Variants in MAP3K4 observed in about 807,000 individuals in gnomAD.
The protein encoded by MAP3K4 is MAP three kinase 1.
A neutral mutation model predicts 185.6 loss-of-function variants in MAP3K4; 67 were observed. The observed-to-expected ratio is 0.36, with a 90% CI of 0.30 to 0.44. The LOEUF is 0.44. MAP3K4 is among the 20% of genes least tolerant of loss of function. The pLI is 1.00. For synonymous variants in MAP3K4, 702 were observed against 710.4 expected, an observed-to-expected ratio of 0.99 and a Z score of 0.19; for missense variants, 1,551 against 1,995.1, an observed-to-expected ratio of 0.78 and a Z score of 4.24.
rs954512289 is a variant in MAP3K4 at position 161,061,323 on chromosome 6, C to T, written c.1708-9285C>T. On this transcript the variant is annotated intron_variant, in intron 3 of 26. Transcript: ENST00000392142. The surrounding 1 kb of genome is among the most constrained non-coding windows in gnomAD (Gnocchi z 4.2). ...TTTTGACCATCCTTAGGTTATAACC[C>T]TCTGTGGATGTAACATCAGATAACT... 3.3e-5 allele frequency among the ~76,000 whole-genome samples: 5 copies of T among 152,206 alleles called. No individual in the cohort carries two copies. The highest frequency in any genetic ancestry group is 9.7e-5 in the African/African-American group (4 of 41,438).
Position 161,100,538 on chromosome 6 carries a change from G to A in MAP3K4, c.3675-1354G>A, listed in dbSNP as rs1019210556. The stretch of plus-strand genomic sequence containing the variant: ...CTGCTGGCTCTCAAGAGCTGATGGC[G>A]AATGTTTGAGAAATTTTGCAAGTTG... On this transcript the variant is annotated intron_variant, in intron 17 of 26. Coordinates refer to ENST00000392142, the MANE Select transcript of MAP3K4 (RefSeq NM_005922.4). The surrounding 1 kb of genome is among the most constrained non-coding windows in gnomAD (Gnocchi z 5.8). Among the ~76,000 whole-genome samples, 7 of 152,146 alleles carry A rather than the reference G, an allele frequency of 4.6e-5. No individual in the cohort carries two copies. The highest frequency in any genetic ancestry group is 2.6e-4 in the Admixed American group (4 of 15,270).
At chr6:161,039,996 A>G (rs568602172) in intron 2 of MAP3K4, among the ~76,000 whole-genome samples, 1 of 152,312 alleles carries the variant, frequency 6.6e-6, no homozygotes, top group Admixed American at 6.5e-5. Context: ...TTTGTAGATT[A>G]GATACCTAGT....
chr6:161,034,301 A>G lies in MAP3K4; in HGVS notation c.195A>G (p.Glu65=). Residue 65 remains glutamate, a synonymous_variant, in exon 2 of 27, where the codon GAA becomes GAG. Transcript: ENST00000392142. This position sits in a 1 kb window ranked among gnomAD's most constrained non-coding sequence, Gnocchi z 4.4. ...GAGATTCAGCTTGCAAGAGTCCTGA[A>G]TCTGATCTAGAAGACTTCTCCGATG... is the stretch of plus-strand genomic sequence containing the variant. The part of the protein sequence containing the change: ...TLGDSACKSP[E]SDLEDFSDET... 1 of 1,613,968 alleles carries G rather than the reference A, an allele frequency of 6.2e-7. No individual in the cohort carries two copies. Among genetic ancestry groups the G allele is most frequent in the Non-Finnish European group, 8.5e-7 (1 of 1,179,864 alleles).
chr6:161,004,134 A>G (rs1388110443), intron 1 of MAP3K4, among the ~76,000 whole-genome samples: 1 of 152,162 alleles, frequency 6.6e-6, no homozygotes, highest in Non-Finnish European at 1.5e-5. Flanking sequence ...TGTGCTTATT[A>G]ATGAAACATC....
At position 161,053,660 on chromosome 6, in the gene MAP3K4, C is replaced by T. The variant is rs879502946; in HGVS notation, c.1707+3681C>T. On this transcript the variant is annotated intron_variant, in intron 3 of 26. Transcript: ENST00000392142. The surrounding 1 kb of genome is among the most constrained non-coding windows in gnomAD (Gnocchi z 4.2). The stretch of plus-strand genomic sequence containing the variant: ...AGGCTGGAGTGTAATGGGAAGATCT[C>T]GGCTCACTGCAACCTCTGTCTCCCG... 3.9e-5 allele frequency among the ~76,000 whole-genome samples: 6 copies of T among 152,104 alleles called. No homozygotes were observed. Among genetic ancestry groups the T allele is most frequent in the African/African-American group, 9.7e-5 (4 of 41,404 alleles).
rs541186486 is a variant in MAP3K4, at chr6:161,086,512, T to G, written c.2472+34T>G. On this transcript the variant is annotated intron_variant, in intron 8 of 26. Coordinates refer to ENST00000392142, the MANE Select transcript of MAP3K4 (RefSeq NM_005922.4). The surrounding 1 kb of genome is among the most constrained non-coding windows in gnomAD (Gnocchi z 4.8). ...GCAATCCTGATTAATTAGTACCTTT[T>G]TTCTTGTTTTTCTTTTATCTTATTT... The G allele has an allele frequency of 1.2e-6, 2 of 1,601,842 alleles. No individual in the cohort carries two copies. The highest frequency in any genetic ancestry group is 2.2e-5 in the East Asian group (1 of 44,788).
chr6:161,086,561 T>C lies in MAP3K4; in HGVS notation c.2473-23T>C. The C allele has an allele frequency of 1.2e-6, 2 of 1,609,270 alleles. No individual in the cohort carries two copies. Among genetic ancestry groups the C allele is most frequent in the Non-Finnish European group, 1.7e-6 (2 of 1,177,724 alleles). Reference sequence around the variant, plus strand: ...TTTTTTAATGCTAACCGTAAAGAAGTTTCTTTGTAACTGTGATCCTAGGAC... The same window carrying C: ...TTTTTTAATGCTAACCGTAAAGAAGCTTCTTTGTAACTGTGATCCTAGGAC... On this transcript the variant is annotated intron_variant, in intron 8 of 26. Transcript: ENST00000392142. This position sits in a 1 kb window ranked among gnomAD's most constrained non-coding sequence, Gnocchi z 4.8.
In MAP3K4 at chr6:161,087,605, C is replaced by T. The variant is rs956751458; in HGVS notation, c.2557-83C>T. On this transcript the variant is annotated intron_variant, in intron 9 of 26. Coordinates refer to ENST00000392142, the MANE Select transcript of MAP3K4 (RefSeq NM_005922.4). This position sits in a 1 kb window ranked among gnomAD's most constrained non-coding sequence, Gnocchi z 4.9. ...CCCACTTTCCCTTTCCCAAACCTGC[C>T]TCTCCTTTCCTAGGTTTGTTTTAAA... 4.6e-5 allele frequency: 67 copies of T among 1,452,510 alleles called. No individual in the cohort carries two copies. The highest frequency in any genetic ancestry group is 5.6e-5 in the African/African-American group (4 of 71,422). The allele number at this position is 1,452,510 out of a possible 1,614,324, so 90.0% of individuals were successfully genotyped here.
intron 19 of MAP3K4, 106 bp downstream of exon 19, chr6:161,102,885 G>A: frequency 1.5e-6 from 1 of 665,360 alleles, no homozygotes; most frequent in Non-Finnish European, 2.5e-6. Flanking sequence ...TGAATTATTA[G>A]GCCTCCTCCA....
chr6:161,073,302 G>A lies in MAP3K4; in HGVS notation c.1951-164G>A, dbSNP rs553418981. On this transcript the variant is annotated intron_variant, in intron 4 of 26. Coordinates refer to ENST00000392142, the MANE Select transcript of MAP3K4 (RefSeq NM_005922.4). This position sits in a 1 kb window ranked among gnomAD's most constrained non-coding sequence, Gnocchi z 4.2. The stretch of plus-strand genomic sequence containing the variant: ...GTTGCTTCTCAATTGAGACTACTAA[G>A]GTATTTACATAAAATGAACTGATCA... The A allele has an allele frequency of 1.6e-4, 81 of 519,896 alleles. No individual in the cohort carries two copies. Among genetic ancestry groups the A allele is most frequent in the African/African-American group, 1.5e-3 (75 of 50,852 alleles). 32.2% of individuals were successfully genotyped at this position (519,896 alleles called of 1,614,324 possible).
At position 161,106,822 on chromosome 6, in the gene MAP3K4, A is replaced by T. The variant is rs1177070116; in HGVS notation, c.4048+117A>T. 6.8e-6 allele frequency: 5 copies of T among 737,262 alleles called. No individual in the cohort carries two copies. Among genetic ancestry groups the T allele is most frequent in the Non-Finnish European group, 1.0e-5 (5 of 498,116 alleles). 45.7% of individuals were successfully genotyped at this position (737,262 alleles called of 1,614,324 possible). ...CTTTTTTCTTGTAGACATAGCAAGT[A>T]TGCATTGTTATCTTTTTGCAAAGTG... On this transcript the variant is annotated intron_variant, in intron 20 of 26. Transcript: ENST00000392142. The surrounding 1 kb of genome is among the most constrained non-coding windows in gnomAD (Gnocchi z 4.9).
chr6:161,102,338 A>G (rs184824461), intron 18 of MAP3K4, among the ~76,000 whole-genome samples: 2 of 152,328 alleles, frequency 1.3e-5, no homozygotes, highest in African/African-American at 4.8e-5. Context: ...TGAAAGTTTT[A>G]TTTATAATGC....
chr6:161,079,216 G>GAAAAAAA (rs71004026), intron 5 of MAP3K4, among the ~76,000 whole-genome samples: 2 of 115,954 alleles, frequency 1.7e-5, no homozygotes, highest in Non-Finnish European at 3.3e-5. Flanking sequence ...CCTGTCTCAA[G>GAAAAAAA]AAAAAAAAAA....
chr6:161,032,595 CCAAA>C (rs1170754052), intron 1 of MAP3K4, among the ~76,000 whole-genome samples: 1 of 152,168 alleles, frequency 6.6e-6, no homozygotes, highest in Non-Finnish European at 1.5e-5. Flanking sequence ...GCTTTTCATT[CCAAA>C]CAGTGTTATT....
chr6:160,999,192 G>T (rs1459279029), intron 1 of MAP3K4, among the ~76,000 whole-genome samples: 2 of 152,202 alleles, frequency 1.3e-5, no homozygotes, highest in Non-Finnish European at 2.9e-5. Context: ...GTGTGAGCAG[G>T]CTATTTGAAG....
chr6:161,107,048 G>GCACACACACA lies in MAP3K4; in HGVS notation c.4048+344_4048+345insACACACACAC, dbSNP rs1168768049. 1.4e-3 allele frequency among the ~76,000 whole-genome samples: 192 copies of GCACACACACA among 141,110 alleles called. 1 individual carries two copies. Among genetic ancestry groups the GCACACACACA allele is most frequent in the Middle Eastern group, 7.5e-3 (2 of 266 alleles). The allele number at this position is 141,110 out of a possible 152,430, so 92.6% of individuals were successfully genotyped here. On this transcript the variant is annotated intron_variant, in intron 20 of 26. Coordinates refer to ENST00000392142, the MANE Select transcript of MAP3K4 (RefSeq NM_005922.4). The surrounding 1 kb of genome is among the most constrained non-coding windows in gnomAD (Gnocchi z 6.2). ...TCTCTCTCTCTCTCTACACACGCGC[G>GCACACACACA]CGCACACACACACACACACACACAC...
At chr6:161,041,129 G>A (rs1375344144) in intron 2 of MAP3K4, among the ~76,000 whole-genome samples, 1 of 152,216 alleles carries the variant, frequency 6.6e-6, no homozygotes, top group Non-Finnish European at 1.5e-5. Context: ...TGCCCTGGAA[G>A]GAGGGCCTGG....
chr6:161,091,522 G>T lies in MAP3K4; in HGVS notation c.3117G>T (p.Gly1039=), dbSNP rs147995712. Residue 1039 remains glycine, a synonymous_variant, in exon 12 of 27, where the codon GGG becomes GGT. Coordinates refer to ENST00000392142, the MANE Select transcript of MAP3K4 (RefSeq NM_005922.4). This position sits in a 1 kb window ranked among gnomAD's most constrained non-coding sequence, Gnocchi z 5.5. ...ACTACCGAGAAGCAATGATTCAGGG[G>T]TACAATTTTGGATTTGAGGTAGGTT... is the stretch of plus-strand genomic sequence containing the variant. ...QQYYREAMIQ[G]YNFGFEYHKE... 1.2e-6 allele frequency: 2 copies of T among 1,611,414 alleles called. No homozygotes were observed. Among genetic ancestry groups the T allele is most frequent in the East Asian group, 2.2e-5 (1 of 44,786 alleles).
At chr6:161,041,931 T>TTC (rs1562499577) in intron 2 of MAP3K4, among the ~76,000 whole-genome samples, 2 of 139,606 alleles carry the variant, frequency 1.4e-5, no homozygotes, top group African/African-American at 2.8e-5. Context: ...TTTTTCTTTT[T>TTC]TTTTTTTTTA....
Sources: allele counts gnomAD v4.1 joint callset (sites outside exome capture counted in the v4.1 genomes callset), GRCh38; gene constraint gnomAD v4.1.1; non-coding constraint Gnocchi (gnomAD v3.1); transcripts MANE v1.5; gene names NCBI Gene and HGNC (gene_info 2026-07-23, HGNC 2026-07-21).